Variants in PRKAB1 observed in about 807,000 individuals in gnomAD.
PRKAB1 encodes the protein 5'-AMP-activated protein kinase subunit beta-1.
In PRKAB1, 18 loss-of-function variants were observed where a neutral mutation model predicts 32.0. That is an observed-to-expected ratio of 0.56 (90% CI 0.39 to 0.83). PRKAB1 has a LOEUF of 0.83. Among genes scored for constraint, PRKAB1 ranks in the 40% least tolerant of loss-of-function variants. The pLI is 0.00. For synonymous variants in PRKAB1, 141 were observed against 141.4 expected, an observed-to-expected ratio of 1.00 and a Z score of 0.02; for missense variants, 263 against 352.6, an observed-to-expected ratio of 0.75 and a Z score of 2.03.
At position 119,676,617 on chromosome 12, in the gene PRKAB1, A is replaced by C; in HGVS notation, c.613A>C (p.Ile205Leu). 4 of 1,612,116 alleles carry C rather than the reference A, an allele frequency of 2.5e-6. No individual in the cohort carries two copies. The highest frequency in any genetic ancestry group is 3.4e-6 in the Non-Finnish European group (4 of 1,179,146). The change falls in exon 5 of 7, where the codon ATT becomes CTT. Residue 205 changes from isoleucine to leucine, a missense_variant. By Grantham distance (5) the Ile-to-Leu change is conservative. Transcript: ENST00000229328. ...KPEERFRAPP[I>L]LPPHLLQVIL... is the part of the protein sequence containing the mutation. ...CGAAGAGCGCTTTCGGGCACCCCCT[A>C]TTCTCCCCCCACATCTCCTCCAGGT...
intron 5 of PRKAB1, among the ~76,000 whole-genome samples, chr12:119,677,182 T>A (rs190276964): frequency 6.6e-5 from 10 of 152,368 alleles, no homozygotes; most frequent in Admixed American, 6.5e-4. Context: ...CTGTTCCATC[T>A]AACCTGGATT....
At chr12:119,673,211 C>T (rs1046174529) in intron 2 of PRKAB1, among the ~76,000 whole-genome samples, 2 of 152,212 alleles carry the variant, frequency 1.3e-5, no homozygotes, top group Admixed American at 6.5e-5. Context: ...GCCTGGGCAA[C>T]AGAGCAAGAC....
chr12:119,668,076 C>G (rs1045803522), upstream of PRKAB1: 14 of 831,670 alleles, frequency 1.7e-5, no homozygotes, highest in Middle Eastern at 3.7e-4. Flanking sequence ...CTCGGCAACC[C>G]TGCCGACTCA....
intron 1 of PRKAB1, among the ~76,000 whole-genome samples, chr12:119,670,824 A>G (rs989654198): frequency 6.6e-6 from 1 of 152,216 alleles, no homozygotes; most frequent in Admixed American, 6.5e-5. Context: ...AAGTGATTCC[A>G]GTCTGTTATT....
rs1593333168 is a variant in PRKAB1, at chr12:119,679,214, T to C, written c.667-719T>C. 6.6e-6 allele frequency: 1 copy of C among 152,438 alleles called. No individual in the cohort carries two copies. Among genetic ancestry groups the C allele is most frequent in the Non-Finnish European group, 1.5e-5 (1 of 68,092 alleles). The allele number at this position is 152,438 out of a possible 1,614,324, so 9.4% of individuals were successfully genotyped here. Reference sequence around the variant, plus strand: ...CAGCAGTCACATCAGGCTTGGCTGGTGCCAGATCCTTGGTAGTTGGTGCTC... The same window carrying C: ...CAGCAGTCACATCAGGCTTGGCTGGCGCCAGATCCTTGGTAGTTGGTGCTC... On this transcript the variant is annotated intron_variant, in intron 5 of 6. Transcript: ENST00000229328. This position sits in a 1 kb window ranked among gnomAD's most constrained non-coding sequence, Gnocchi z 4.1.
chr12:119,673,804 G>A lies in PRKAB1; in HGVS notation c.324-160G>A, dbSNP rs1157555000. 5.3e-6 allele frequency: 3 copies of A among 561,806 alleles called. No individual in the cohort carries two copies. The African/African-American group carries it at 5.8e-5, about 11-fold the overall frequency. 34.8% of individuals were successfully genotyped at this position (561,806 alleles called of 1,614,324 possible). ...TTCCTTATAGCCTTTTCAGATTGAG[G>A]TCATTATGCTGAATTGTCTAAATGG... On this transcript the variant is annotated intron_variant, in intron 2 of 6. Transcript: ENST00000229328.
At chr12:119,675,336 G>A (rs917144003) in intron 4 of PRKAB1, among the ~76,000 whole-genome samples, 1 of 152,212 alleles carries the variant, frequency 6.6e-6, no homozygotes, top group Non-Finnish European at 1.5e-5. Context: ...AATCACAGTG[G>A]TAAAATGATC....
rs539558322 is a variant in PRKAB1, at chr12:119,680,299, A to G, written c.787A>G (p.Thr263Ala). Residue 263 changes from threonine (T) to alanine (A), a missense_variant, in exon 7 of 7, where the codon ACC becomes GCC. Coordinates refer to ENST00000229328, the MANE Select transcript of PRKAB1 (RefSeq NM_006253.5). ...ATHRYKKKYV[T>A]TLLYKPI is the part of the protein sequence containing the mutation. ...CCACCGGTACAAGAAGAAGTACGTC[A>G]CCACCTTGTTATACAAGCCCATATG... 12 of 1,614,124 alleles carry G rather than the reference A, an allele frequency of 7.4e-6. No homozygotes were observed. The highest frequency in any genetic ancestry group is 1.0e-5 in the Non-Finnish European group (12 of 1,180,000).
At chr12:119,669,125 AATAT>A (rs1955364857) in intron 1 of PRKAB1, among the ~76,000 whole-genome samples, 2 of 150,620 alleles carry the variant, frequency 1.3e-5, no homozygotes, top group African/African-American at 4.9e-5. Flanking sequence ...TCAAAAAAAA[AATAT>A]AAATAAAAAT....
Position 119,680,239 on chromosome 12 carries a change from G to C in PRKAB1, c.736-9G>C. ...TCCAGCCTTTGATCATTTCCACCTT[G>C]TTCCTTAGGATGGAGTGATGGTGCT... On this transcript the variant is annotated splice_polypyrimidine_tract_variant and intron_variant, in intron 6 of 6. Transcript: ENST00000229328. The C allele has an allele frequency of 6.2e-7, 1 of 1,613,218 alleles. No individual in the cohort carries two copies. Among genetic ancestry groups the C allele is most frequent in the Non-Finnish European group, 8.5e-7 (1 of 1,179,232 alleles).
intron 5 of PRKAB1, among the ~76,000 whole-genome samples, chr12:119,677,084 T>G (rs1955431425): frequency 6.6e-6 from 1 of 152,188 alleles, no homozygotes; most frequent in African/African-American, 2.4e-5. Context: ...AACACACATT[T>G]CTCCTCCGGG....
chr12:119,673,712 C>T (rs1955403637), intron 2 of PRKAB1: 1 of 368,538 alleles, frequency 2.7e-6, no homozygotes, highest in East Asian at 4.8e-5. Flanking sequence ...GACCTTTTAA[C>T]ATTAGGGATG....
rs979779292 is a variant in PRKAB1, at chr12:119,681,606, CTT to C, written c.*1283_*1284del. On this transcript the variant is annotated 3_prime_UTR_variant, in exon 7 of 7. Coordinates refer to ENST00000229328, the MANE Select transcript of PRKAB1 (RefSeq NM_006253.5). The stretch of plus-strand genomic sequence containing the variant: ...CCTTGATGGACAAGTTTCAATAAAA[CTT>C]TGTAAAAATAATTGGACATGTGCCT... 5 of 152,172 alleles carry C rather than the reference CTT, an allele frequency of 3.3e-5. No homozygotes were observed. Among genetic ancestry groups the C allele is most frequent in the African/African-American group, 1.2e-4 (5 of 41,442 alleles). The allele number at this position is 152,172 out of a possible 1,614,324, so 9.4% of individuals were successfully genotyped here.
intron 5 of PRKAB1, chr12:119,677,384 C>T (rs1330637041): frequency 6.6e-6 from 1 of 152,306 alleles, no homozygotes. Context: ...CACGTGTACA[C>T]ATGCAGGTGT....
At chr12:119,669,044 G>A (rs1208485474) in intron 1 of PRKAB1, among the ~76,000 whole-genome samples, 1 of 151,692 alleles carries the variant, frequency 6.6e-6, no homozygotes, top group African/African-American at 2.4e-5. Flanking sequence ...GTGAACCCGG[G>A]AGGCGCAGCT....
chr12:119,671,184 C>T (rs1033803747), intron 1 of PRKAB1, among the ~76,000 whole-genome samples: 5 of 152,130 alleles, frequency 3.3e-5, no homozygotes, highest in African/African-American at 1.2e-4. Flanking sequence ...GTAGTTTTTC[C>T]CTTCCTCAAA....
intron 1 of PRKAB1, 31 bp downstream of exon 1, chr12:119,668,434 C>A (rs774014137): frequency 6.2e-7 from 1 of 1,608,242 alleles, no homozygotes. Context: ...CCCGATTCCC[C>A]TTGACTAATG....
At chr12:119,677,091 C>T (rs1399919781) in intron 5 of PRKAB1, among the ~76,000 whole-genome samples, 3 of 152,224 alleles carry the variant, frequency 2.0e-5, no homozygotes, top group East Asian at 1.9e-4. Context: ...ATTTCTCCTC[C>T]GGGAAATTAT....
rs371716675 is a variant in PRKAB1, at chr12:119,674,307, C to T, written c.418-33C>T. 1.7e-5 allele frequency: 25 copies of T among 1,512,504 alleles called. No individual in the cohort carries two copies. The highest frequency in any genetic ancestry group is 5.5e-5 in the African/African-American group (4 of 72,834). The allele number at this position is 1,512,504 out of a possible 1,614,324, so 93.7% of individuals were successfully genotyped here. ...GAAGAATAACTCCGCAGACCTTCCACGTTATGATTTCTGCCTATCTGTCTC... is the reference window on the plus strand; with the variant it reads ...GAAGAATAACTCCGCAGACCTTCCATGTTATGATTTCTGCCTATCTGTCTC... On this transcript the variant is annotated intron_variant, in intron 3 of 6. Transcript: ENST00000229328. This position sits in a 1 kb window ranked among gnomAD's most constrained non-coding sequence, Gnocchi z 4.3.
Sources: gnomAD v4.1 joint callset for allele counts (sites outside exome capture counted in the v4.1 genomes callset) on GRCh38, gnomAD v4.1.1 for gene constraint, Gnocchi (gnomAD v3.1) non-coding constraint, MANE v1.5 for transcripts, NCBI Gene and HGNC (gene_info 2026-07-23, HGNC 2026-07-21) for gene names.